The following PRELID3A variants were observed in gnomAD, a reference collection of about 807,000 sequenced individuals.
PRELID3A encodes the protein PRELI domain containing protein 3A.
A neutral mutation model predicts 23.0 loss-of-function variants in PRELID3A; 27 were observed. The observed-to-expected ratio is 1.17, with a 90% confidence interval of 0.87 to 1.62. PRELID3A has a LOEUF of 1.62. Ranked by LOEUF, PRELID3A falls within the 40% of genes most tolerant of loss-of-function variation. The pLI, the probability that PRELID3A is intolerant of heterozygous loss-of-function variation, is 0.00. For synonymous variants in PRELID3A, 87 were observed against 86.4 expected (o/e 1.01, Z -0.04); for missense variants, 231 against 231.4 (o/e 1.00, Z 0.01).
In PRELID3A at chr18:12,407,952, A is replaced by T. The variant is rs1909771752; in HGVS notation, c.-24A>T. On this transcript the variant is annotated 5_prime_UTR_variant, in exon 1 of 7. Transcript: ENST00000440960. Reference sequence around the variant, plus strand: ...CCGAAGCACCCGGCCCGGATCGCAGAGCCCGCGCCCTGCGCCGGCGGCAAT... The same window carrying T: ...CCGAAGCACCCGGCCCGGATCGCAGTGCCCGCGCCCTGCGCCGGCGGCAAT... The T allele has an allele frequency of 1.5e-6, 2 of 1,293,174 alleles. No homozygotes were observed. The highest frequency in any genetic ancestry group is 2.0e-6 in the Non-Finnish European group (2 of 1,022,964). 80.1% of individuals were successfully genotyped at this position (1,293,174 alleles called of 1,614,324 possible).
chr18:12,414,413 A>G (rs1598856235), intron 1 of PRELID3A, among the ~76,000 whole-genome samples: 1 of 152,168 alleles, frequency 6.6e-6, no homozygotes, highest in Non-Finnish European at 1.5e-5. Flanking sequence ...AATTAGCGCA[A>G]ATGTCAATAC....
rs1235020532 is a variant in PRELID3A at position 12,425,464 on chromosome 18, C to CAAA, written c.292-1561_292-1559dup. ...TGAAACCCCGTCTCTACTAAAAATACAAAAAAAAAAAAAAAAAATTAGCCA... is the reference window on the plus strand; with the variant it reads ...TGAAACCCCGTCTCTACTAAAAATACAAAAAAAAAAAAAAAAAAAAATTAGCCA... On this transcript the variant is annotated intron_variant, in intron 3 of 6. Coordinates refer to ENST00000440960, the MANE Select transcript of PRELID3A (RefSeq NM_001142405.2). 1.5e-3 allele frequency among the ~76,000 whole-genome samples: 142 copies of CAAA among 93,202 alleles called. 2 individuals are homozygous for CAAA. The highest frequency in any genetic ancestry group is 4.8e-3 in the African/African-American group (120 of 25,116). 61.1% of individuals were successfully genotyped at this position (93,202 alleles called of 152,430 possible).
At chr18:12,428,745 C>T (rs1241728706) in intron 5 of PRELID3A, among the ~76,000 whole-genome samples, 2 of 152,186 alleles carry the variant, frequency 1.3e-5, no homozygotes, top group African/African-American at 4.8e-5. Flanking sequence ...TCTCACCCAT[C>T]GTTGTTTCCA....
chr18:12,426,660 TC>T (rs1380426843), intron 3 of PRELID3A, among the ~76,000 whole-genome samples: 1 of 151,966 alleles, frequency 6.6e-6, no homozygotes, highest in African/African-American at 2.4e-5. Flanking sequence ...TCAGAGTCTG[TC>T]CCATCCAGTC....
intron 1 of PRELID3A, among the ~76,000 whole-genome samples, chr18:12,411,979 C>A (rs930532107): frequency 1.3e-5 from 2 of 149,824 alleles, no homozygotes; most frequent in South Asian, 4.2e-4. Flanking sequence ...GGCGCAGTCT[C>A]GGCTCACTGC....
intron 6 of PRELID3A, among the ~76,000 whole-genome samples, chr18:12,429,895 T>A (rs1233159880): frequency 6.6e-6 from 1 of 152,250 alleles, no homozygotes; most frequent in Non-Finnish European, 1.5e-5. Flanking sequence ...CCATTTCCTT[T>A]TAGCAGTGGA....
chr18:12,408,393 A>G (rs1909797012), intron 1 of PRELID3A, among the ~76,000 whole-genome samples: 1 of 151,972 alleles, frequency 6.6e-6, no homozygotes, highest in South Asian at 2.1e-4. Context: ...GGTCGGGAGC[A>G]GGGCAGGGGA....
At chr18:12,419,325 CAAAAAA>C (rs71172083) in intron 1 of PRELID3A, among the ~76,000 whole-genome samples, 1 of 104,510 alleles carries the variant, frequency 9.6e-6, no homozygotes. Flanking sequence ...GACTCCATAT[CAAAAAA>C]AAAAAAAAAA....
At chr18:12,416,098 G>A (rs2029941953) in intron 1 of PRELID3A, among the ~76,000 whole-genome samples, 1 of 152,202 alleles carries the variant, frequency 6.6e-6, no homozygotes. Context: ...TGAGAACCCT[G>A]ACTGATTTCG....
chr18:12,425,631 CA>C (rs571738773), intron 3 of PRELID3A, among the ~76,000 whole-genome samples: 6,950 of 122,316 alleles, frequency 0.057, 203 homozygotes, highest in Middle Eastern at 0.091. Flanking sequence ...GACTCCATCT[CA>C]AAAAAAAAAA....
chr18:12,427,079 G>A lies in PRELID3A; in HGVS notation c.330G>A (p.Leu110=), dbSNP rs1409396040. 1 of 1,613,342 alleles carries A rather than the reference G, an allele frequency of 6.2e-7. No homozygotes were observed. Among genetic ancestry groups the A allele is most frequent in the African/African-American group, 1.3e-5 (1 of 74,980 alleles). ...LTNLVSVNER[L]VYTPHPENPE... is the part of the protein sequence containing the mutation. ...ATTTGGTGTCAGTTAATGAGAGGTT[G>A]GTGTACACACCTCATCCAGAGAACC... Residue 110 remains leucine, a synonymous_variant, in exon 4 of 7, where the codon TTG becomes TTA. Transcript: ENST00000440960.
rs925509462 is a variant in PRELID3A, at chr18:12,431,563, C to G, written c.*447C>G. On this transcript the variant is annotated 3_prime_UTR_variant, in exon 7 of 7. Coordinates refer to ENST00000440960, the MANE Select transcript of PRELID3A (RefSeq NM_001142405.2). ...TCCAGCCTCTCCGCCCCCGTCCCCT[C>G]GGTCCTGCAGATCACCAAGCAGCTC... 2 of 152,304 alleles carry G rather than the reference C, an allele frequency of 1.3e-5. No homozygotes were observed. Among genetic ancestry groups the G allele is most frequent in the Non-Finnish European group, 2.9e-5 (2 of 68,288 alleles). The allele number at this position is 152,304 out of a possible 1,614,324, so 9.4% of individuals were successfully genotyped here.
chr18:12,411,735 T>C (rs1909918872), intron 1 of PRELID3A, among the ~76,000 whole-genome samples: 1 of 152,024 alleles, frequency 6.6e-6, no homozygotes, highest in Non-Finnish European at 1.5e-5. Context: ...AAATTGAACA[T>C]TACAGATGAG....
intron 1 of PRELID3A, among the ~76,000 whole-genome samples, chr18:12,417,606 A>G (rs1053308150): frequency 2.6e-5 from 4 of 152,240 alleles, no homozygotes; most frequent in African/African-American, 7.2e-5. Context: ...AATGATTTCT[A>G]TGGGAATAAG....
intron 3 of PRELID3A, among the ~76,000 whole-genome samples, chr18:12,426,364 C>T (rs577798499): frequency 4.0e-3 from 610 of 150,664 alleles, no homozygotes; most frequent in Middle Eastern, 6.8e-3. Flanking sequence ...ACCATCCTGG[C>T]TAACACGGTG....
At chr18:12,421,278 C>T in intron 2 of PRELID3A, 1 of 456,636 alleles carries the variant, frequency 2.2e-6, no homozygotes, top group Non-Finnish European at 3.9e-6. Context: ...CCTCCTAGCT[C>T]CACTGCCCGC....
At chr18:12,416,800 C>T (rs557236881) in intron 1 of PRELID3A, among the ~76,000 whole-genome samples, 9 of 152,094 alleles carry the variant, frequency 5.9e-5, no homozygotes, top group Middle Eastern at 3.4e-3. Context: ...CGCCTGCCAC[C>T]GTGCCCGGCT....
intron 3 of PRELID3A, among the ~76,000 whole-genome samples, chr18:12,422,764 T>C (rs1457331403): frequency 6.6e-6 from 1 of 152,236 alleles, no homozygotes; most frequent in Non-Finnish European, 1.5e-5. Flanking sequence ...TTGGGAAATA[T>C]GCATGGGCTA....
At chr18:12,413,610 G>C (rs972271170) in intron 1 of PRELID3A, among the ~76,000 whole-genome samples, 1 of 151,708 alleles carries the variant, frequency 6.6e-6, no homozygotes, top group Non-Finnish European at 1.5e-5. Flanking sequence ...CCAAGACAGA[G>C]TCTCACTCTG....
Sources: allele counts gnomAD v4.1 joint callset (sites outside exome capture counted in the v4.1 genomes callset), GRCh38; gene constraint gnomAD v4.1.1; transcripts MANE v1.5; gene names NCBI Gene and HGNC (gene_info 2026-07-23, HGNC 2026-07-21).